KIAA0825: variants seen among roughly 807,000 people sequenced by gnomAD.
The protein encoded by KIAA0825 is KIAA0825.
A neutral mutation model predicts 147.6 loss-of-function variants in KIAA0825; 119 were observed. The observed-to-expected ratio is 0.81, with a 90% CI of 0.69 to 0.94. KIAA0825 has a LOEUF of 0.94. Ranked by LOEUF, KIAA0825 falls within the 40% of genes least tolerant of loss-of-function variation. The pLI is 0.00. For missense variants in KIAA0825, 1,381 were observed against 1,472.7 expected, an observed-to-expected ratio of 0.94 and a Z score of 1.02; for synonymous variants, 470 against 518.1, an observed-to-expected ratio of 0.91 and a Z score of 1.26.
intron 13 of KIAA0825, among the ~76,000 whole-genome samples, chr5:94,451,277 G>A (rs181020264): frequency 1.4e-4 from 21 of 152,178 alleles, no homozygotes; most frequent in Admixed American, 3.9e-4. Context: ...ATACTGAATT[G>A]TTTAATGCTA....
chr5:94,382,557 A>G (rs1264922051), intron 20 of KIAA0825, among the ~76,000 whole-genome samples: 1 of 152,162 alleles, frequency 6.6e-6, no homozygotes, highest in Non-Finnish European at 1.5e-5. Flanking sequence ...CAGTAGAATG[A>G]TTTTCATACC....
intron 20 of KIAA0825, among the ~76,000 whole-genome samples, chr5:94,290,256 G>T (rs1400352477): frequency 6.6e-6 from 1 of 152,028 alleles, no homozygotes; most frequent in Non-Finnish European, 1.5e-5. Flanking sequence ...TCTACATTAG[G>T]TATTTCTCCT....
intron 20 of KIAA0825, among the ~76,000 whole-genome samples, chr5:94,349,802 C>T (rs1438765969): frequency 7.9e-5 from 12 of 152,090 alleles, no homozygotes; most frequent in African/African-American, 2.7e-4. Flanking sequence ...GAGGAAAGTT[C>T]GTAGCCCTAA....
chr5:94,550,666 C>T (rs1162085416), intron 2 of KIAA0825, among the ~76,000 whole-genome samples: 1 of 152,112 alleles, frequency 6.6e-6, no homozygotes, highest in African/African-American at 2.4e-5. Flanking sequence ...CACAGTGAAA[C>T]CTCGTCTCAA....
At chr5:94,395,861 TG>T (rs1750582994) in intron 17 of KIAA0825, among the ~76,000 whole-genome samples, 1 of 152,180 alleles carries the variant, frequency 6.6e-6, no homozygotes, top group Admixed American at 6.6e-5. Context: ...AACCTTAAGA[TG>T]GTGACTAAAC....
intron 20 of KIAA0825, among the ~76,000 whole-genome samples, chr5:94,166,300 A>G (rs566520870): frequency 1.5e-4 from 23 of 152,310 alleles, no homozygotes; most frequent in East Asian, 5.8e-4. Context: ...TTCTAAATCC[A>G]TATTCAAAAT....
chr5:94,462,204 C>T (rs955235752), intron 12 of KIAA0825, among the ~76,000 whole-genome samples, 183 bp downstream of exon 12: 1 of 151,770 alleles, frequency 6.6e-6, no homozygotes, highest in South Asian at 2.1e-4. Context: ...TGAATTGCAT[C>T]GAGAATTATG....
intron 20 of KIAA0825, among the ~76,000 whole-genome samples, chr5:94,169,034 A>G (rs1768337918): frequency 1.3e-5 from 2 of 152,194 alleles, no homozygotes. Context: ...TCAAAAATTG[A>G]GGGTGATTTT....
chr5:94,569,773 C>A, intron 2 of KIAA0825: 1 of 242,936 alleles, frequency 4.1e-6, no homozygotes, highest in South Asian at 1.7e-4. Flanking sequence ...ATGGCTGAAT[C>A]ATCCGCTACC....
chr5:94,165,391 C>A (rs1767940185), intron 20 of KIAA0825, among the ~76,000 whole-genome samples: 1 of 151,994 alleles, frequency 6.6e-6, no homozygotes, highest in African/African-American at 2.4e-5. Flanking sequence ...AAAAGGGAAC[C>A]CTTGTACACT....
At chr5:94,269,370 C>A (rs1436686964) in intron 20 of KIAA0825, among the ~76,000 whole-genome samples, 2 of 151,950 alleles carry the variant, frequency 1.3e-5, no homozygotes, top group African/African-American at 2.4e-5. Context: ...GAAGAGAAGA[C>A]CACAAAATAA....
Position 94,224,074 on chromosome 5 carries a change from T to C in KIAA0825, c.3711-69950A>G, listed in dbSNP as rs1488848061. 3.5e-5 allele frequency among the ~76,000 whole-genome samples: 5 copies of C among 144,190 alleles called. No individual in the cohort carries two copies. In the South Asian group the frequency reaches 1.1e-3, roughly 31 times the overall value. The allele number at this position is 144,190 out of a possible 152,430, so 94.6% of individuals were successfully genotyped here. ...CTTTTTCTTTTCTTTTCTCTTTCTT[T>C]TTCTTTTCTTTTTTTTTTTTTTTTT... On this transcript the variant is annotated intron_variant, in intron 20 of 20. Transcript: ENST00000682413.
chr5:94,337,568 TTACTA>T (rs1260540369), intron 20 of KIAA0825, among the ~76,000 whole-genome samples: 1 of 152,206 alleles, frequency 6.6e-6, no homozygotes, highest in Non-Finnish European at 1.5e-5. Context: ...CATTTACTCT[TTACTA>T]TATGGATTAT....
intron 20 of KIAA0825, among the ~76,000 whole-genome samples, chr5:94,267,680 G>A (rs547225324): frequency 1.3e-4 from 20 of 152,236 alleles, no homozygotes; most frequent in African/African-American, 4.6e-4. Context: ...TTGTGCCAAA[G>A]TATGCCAGGT....
intron 20 of KIAA0825, among the ~76,000 whole-genome samples, chr5:94,211,482 T>A (rs1425287241): frequency 6.6e-6 from 1 of 152,190 alleles, no homozygotes; most frequent in African/African-American, 2.4e-5. Context: ...TCACGCTGAT[T>A]CCTTCCTTCA....
intron 20 of KIAA0825, among the ~76,000 whole-genome samples, chr5:94,282,306 G>A (rs1178914302): frequency 6.6e-6 from 1 of 151,786 alleles, no homozygotes; most frequent in Non-Finnish European, 1.5e-5. Flanking sequence ...TTTTTTTTAT[G>A]AATTCAAACT....
intron 1 of KIAA0825, among the ~76,000 whole-genome samples, chr5:94,610,788 T>TAAAA (rs1788603403): frequency 6.1e-5 from 4 of 66,006 alleles, no homozygotes; most frequent in African/African-American, 8.3e-5. Context: ...AAAAAAAAAG[T>TAAAA]ATATATATAT....
intron 14 of KIAA0825, among the ~76,000 whole-genome samples, chr5:94,428,186 TGTG>T (rs1755164877): frequency 6.7e-6 from 1 of 148,394 alleles, no homozygotes; most frequent in South Asian, 2.2e-4. Context: ...TGTGTGTGTG[TGTG>T]TGTGTTTTAA....
At chr5:94,365,586 A>T (rs1745727706) in intron 20 of KIAA0825, among the ~76,000 whole-genome samples, 1 of 152,162 alleles carries the variant, frequency 6.6e-6, no homozygotes, top group South Asian at 2.1e-4. Flanking sequence ...CAAAGCCATA[A>T]CTGAGAAAAT....
Sources: allele counts gnomAD v4.1 joint callset (sites outside exome capture counted in the v4.1 genomes callset), GRCh38; gene constraint gnomAD v4.1.1; transcripts MANE v1.5; gene names NCBI Gene and HGNC (gene_info 2026-07-23, HGNC 2026-07-21).